Variants in BMPER observed in about 807,000 individuals in gnomAD.
BMPER encodes BMP-binding endothelial regulator protein.
BMPER carries 45 observed loss-of-function variants against 87.3 expected under a neutral mutation model. The ratio of observed to expected loss-of-function variants is 0.52; its 90% confidence interval spans 0.41 to 0.66. The LOEUF (loss-of-function observed/expected upper bound fraction) is 0.66, where lower values mean the gene tolerates loss of function less well. BMPER is among the 30% of genes least tolerant of loss of function. The pLI is 0.00. For synonymous variants in BMPER, 326 were observed against 316.2 expected, an observed-to-expected ratio of 1.03 and a Z score of -0.33; for missense variants, 784 against 867.5, an observed-to-expected ratio of 0.90 and a Z score of 1.21.
chr7:33,905,704 T>C lies in BMPER; in HGVS notation c.91T>C (p.Cys31Arg). ...ITCCVLLLLN[C>R]SGVPMSLASS... is the part of the protein sequence containing the mutation. ...GTGCTGCGTCTTGCTGCTACTCAAT[T>C]GCTCGGGGGTCCCCATGTCTCTGGC... is the stretch of plus-strand genomic sequence containing the variant. Residue 31 changes from cysteine (C) to arginine (R), a missense_variant, in exon 1 of 15, where the codon TGC becomes CGC. Cys to Arg is a radical substitution (Grantham distance 180, BLOSUM62 -3). Coordinates refer to ENST00000649409, the MANE Select transcript of BMPER (RefSeq NM_001365308.1). 2 of 1,594,656 alleles carry C rather than the reference T, an allele frequency of 1.3e-6. No individual in the cohort carries two copies. The highest frequency in any genetic ancestry group is 2.3e-5 in the East Asian group (1 of 42,858).
intron 3 of BMPER, among the ~76,000 whole-genome samples, chr7:33,950,653 T>C (rs1279970238): frequency 6.6e-6 from 1 of 152,070 alleles, no homozygotes; most frequent in Non-Finnish European, 1.5e-5. Flanking sequence ...ACTTAGTAGG[T>C]CAGGCCCACT....
At chr7:33,964,734 C>T (rs573216606) in intron 3 of BMPER, among the ~76,000 whole-genome samples, 48 of 152,204 alleles carry the variant, frequency 3.2e-4, no homozygotes, top group Non-Finnish European at 5.6e-4. Context: ...TTGTAGCACA[C>T]TTCCTCCTCT....
At chr7:34,031,238 C>G (rs544114014) in intron 6 of BMPER, among the ~76,000 whole-genome samples, 2 of 152,106 alleles carry the variant, frequency 1.3e-5, no homozygotes, top group South Asian at 4.2e-4. Flanking sequence ...TTGCCTCACA[C>G]GTTAATAGGG....
rs773233933 is a variant in BMPER at position 33,937,296 on chromosome 7, A to G, written c.227A>G (p.Glu76Gly). ...PCIMCVCLNK[E>G]VTCKREKCPV... ...GTGTCTCTTTTTGTCTAGAACAAGGAAGTGACATGTAAGAGAGAGAAGTGC... is the reference window on the plus strand; with the variant it reads ...GTGTCTCTTTTTGTCTAGAACAAGGGAGTGACATGTAAGAGAGAGAAGTGC... Residue 76 changes from glutamate (E) to glycine (G), a missense_variant, in exon 3 of 15, where the codon GAA (glutamate) becomes GGA (glycine). Physicochemically the swap from Glu to Gly is moderately conservative, Grantham distance 98. Transcript: ENST00000649409. 6.2e-7 allele frequency: 1 copy of G among 1,614,026 alleles called. No homozygotes were observed. The highest frequency in any genetic ancestry group is 2.2e-5 in the East Asian group (1 of 44,870).
Position 33,930,587 on chromosome 7 carries a change from G to A in BMPER, c.220-6702G>A, listed in dbSNP as rs1236921608. On this transcript the variant is annotated intron_variant, in intron 2 of 14. Transcript: ENST00000649409. ...CGTTTGCTCAGGATTTCCCCTGACC[G>A]AATGTTCTAGAGAGGTCATCACTTC... Among the ~76,000 whole-genome samples, 4 of 152,206 alleles carry A rather than the reference G, an allele frequency of 2.6e-5. No individual in the cohort carries two copies. In the South Asian group the frequency reaches 6.2e-4, roughly 24 times the overall value.
chr7:34,130,946 A>G (rs1188691381), intron 13 of BMPER, among the ~76,000 whole-genome samples: 2 of 152,138 alleles, frequency 1.3e-5, no homozygotes, highest in Non-Finnish European at 1.5e-5. Flanking sequence ...GCCACTTATT[A>G]GTAATGTGAT....
chr7:33,963,040 A>G (rs1038697637), intron 3 of BMPER, among the ~76,000 whole-genome samples: 3 of 152,236 alleles, frequency 2.0e-5, no homozygotes, highest in Non-Finnish European at 4.4e-5. Context: ...GGATGTAAAA[A>G]TGTAATTTTC....
intron 13 of BMPER, among the ~76,000 whole-genome samples, chr7:34,132,076 A>C (rs1361151797): frequency 1.3e-5 from 2 of 152,206 alleles, no homozygotes; most frequent in Non-Finnish European, 2.9e-5. Flanking sequence ...TAATGTGCCC[A>C]AGATAACACA....
At chr7:34,098,191 A>G (rs1279725279) in intron 13 of BMPER, among the ~76,000 whole-genome samples, 1 of 152,138 alleles carries the variant, frequency 6.6e-6, no homozygotes, top group African/African-American at 2.4e-5. Context: ...TAACTTTTAG[A>G]TGAATTATCC....
At chr7:33,917,195 A>G (rs577541066) in intron 2 of BMPER, among the ~76,000 whole-genome samples, 2 of 152,204 alleles carry the variant, frequency 1.3e-5, no homozygotes, top group Admixed American at 1.3e-4. Flanking sequence ...ATGTCTCCCG[A>G]TCCCTGGAGC....
chr7:34,112,298 T>C (rs1789986998), intron 13 of BMPER, among the ~76,000 whole-genome samples: 1 of 151,502 alleles, frequency 6.6e-6, no homozygotes, highest in Non-Finnish European at 1.5e-5. Context: ...ATTGAGACCA[T>C]CCCGGCTAAC....
chr7:33,961,966 T>C (rs1388683105), intron 3 of BMPER, among the ~76,000 whole-genome samples: 1 of 152,134 alleles, frequency 6.6e-6, no homozygotes, highest in Non-Finnish European at 1.5e-5. Context: ...ATTTGACTGA[T>C]GTTAATGTGA....
intron 6 of BMPER, among the ~76,000 whole-genome samples, chr7:34,001,797 A>G (rs1280642372): frequency 6.6e-6 from 1 of 151,620 alleles, no homozygotes; most frequent in East Asian, 1.9e-4. Flanking sequence ...TTGCCTTTTT[A>G]AAATATAAGT....
At chr7:34,110,624 G>A (rs973645895) in intron 13 of BMPER, among the ~76,000 whole-genome samples, 2 of 152,204 alleles carry the variant, frequency 1.3e-5, no homozygotes, top group Admixed American at 6.5e-5. Flanking sequence ...TGTACAAATG[G>A]ATTTAGGATG....
intron 6 of BMPER, among the ~76,000 whole-genome samples, chr7:33,981,382 T>C (rs560033254): frequency 6.6e-6 from 1 of 152,282 alleles, no homozygotes; most frequent in South Asian, 2.1e-4. Context: ...ACCTAGACAG[T>C]CTCCGCCCAC....
intron 13 of BMPER, among the ~76,000 whole-genome samples, chr7:34,101,984 G>A (rs1789693085): frequency 6.6e-6 from 1 of 152,134 alleles, no homozygotes; most frequent in African/African-American, 2.4e-5. Flanking sequence ...TTTTCTAGTT[G>A]CCTATGAAGA....
intron 3 of BMPER, among the ~76,000 whole-genome samples, chr7:33,946,197 C>G (rs949168779): frequency 6.6e-6 from 1 of 152,132 alleles, no homozygotes; most frequent in Non-Finnish European, 1.5e-5. Context: ...ACCATCAGAT[C>G]TCGTGAGAAC....
At chr7:34,123,751 A>G (rs1315256248) in intron 13 of BMPER, among the ~76,000 whole-genome samples, 1 of 152,224 alleles carries the variant, frequency 6.6e-6, no homozygotes, top group Non-Finnish European at 1.5e-5. Context: ...TCTCCTAAAT[A>G]TGTTTATATT....
intron 6 of BMPER, among the ~76,000 whole-genome samples, chr7:34,045,610 T>G (rs781224758): frequency 1.1e-4 from 17 of 152,212 alleles, no homozygotes; most frequent in Non-Finnish European, 2.4e-4. Flanking sequence ...CATATCAATC[T>G]TTATAATCTT....
Sources: gnomAD v4.1 joint callset for allele counts (sites outside exome capture counted in the v4.1 genomes callset) on GRCh38, gnomAD v4.1.1 for gene constraint, MANE v1.5 for transcripts, NCBI Gene and HGNC (gene_info 2026-07-23, HGNC 2026-07-21) for gene names.